RBMS1: variants seen among roughly 807,000 people sequenced by gnomAD.
The protein encoded by RBMS1 is RNA binding motif single stranded interacting protein 1.
A neutral mutation model predicts 62.3 loss-of-function variants in RBMS1; 17 were observed. The ratio of observed to expected loss-of-function variants is 0.27; its 90% confidence interval spans 0.19 to 0.41. RBMS1 has a LOEUF of 0.41. RBMS1 is among the 10% of genes least tolerant of loss of function. The pLI is 1.00. For missense variants in RBMS1, 334 were observed against 504.5 expected, an observed-to-expected ratio of 0.66 and a Z score of 3.24; for synonymous variants, 172 against 170.0, an observed-to-expected ratio of 1.01 and a Z score of -0.09.
chr2:160,329,216 T>C (rs1347159610), intron 2 of RBMS1, among the ~76,000 whole-genome samples: 2 of 152,178 alleles, frequency 1.3e-5, no homozygotes, highest in East Asian at 3.9e-4. Flanking sequence ...GAAAATGATA[T>C]CTATTTTACT....
At chr2:160,403,736 A>C (rs1418375932) in intron 1 of RBMS1, among the ~76,000 whole-genome samples, 1 of 152,204 alleles carries the variant, frequency 6.6e-6, no homozygotes, top group Non-Finnish European at 1.5e-5. Flanking sequence ...ACCCTACTGG[A>C]AACCACTAGG....
At chr2:160,365,888 G>A (rs1017790164) in intron 2 of RBMS1, among the ~76,000 whole-genome samples, 3 of 152,234 alleles carry the variant, frequency 2.0e-5, no homozygotes, top group African/African-American at 7.2e-5. Context: ...CAATAGGGCA[G>A]GGCGTGCCTG....
chr2:160,446,257 A>AC (rs1683641515), intron 1 of RBMS1, among the ~76,000 whole-genome samples: 1 of 152,200 alleles, frequency 6.6e-6, no homozygotes, highest in African/African-American at 2.4e-5. Flanking sequence ...CCTGTCTATG[A>AC]CAGTCCCTCC....
At chr2:160,326,689 T>C (rs1339896729) in intron 2 of RBMS1, among the ~76,000 whole-genome samples, 1 of 152,220 alleles carries the variant, frequency 6.6e-6, no homozygotes, top group Non-Finnish European at 1.5e-5. Flanking sequence ...ATTTTATTTA[T>C]TTTCTTGCTT....
intron 1 of RBMS1, among the ~76,000 whole-genome samples, chr2:160,489,047 G>T (rs1685718003): frequency 6.6e-6 from 1 of 152,176 alleles, no homozygotes; most frequent in Non-Finnish European, 1.5e-5. Context: ...CTAAATGACT[G>T]AATACTTTCC....
At chr2:160,405,311 A>G (rs900469492) in intron 1 of RBMS1, among the ~76,000 whole-genome samples, 2 of 149,316 alleles carry the variant, frequency 1.3e-5, no homozygotes, top group Admixed American at 6.7e-5. Flanking sequence ...CTGATTATGT[A>G]TTTCTAGACT....
chr2:160,337,695 T>TA (rs2105990744), intron 2 of RBMS1, among the ~76,000 whole-genome samples: 1 of 152,158 alleles, frequency 6.6e-6, no homozygotes, highest in East Asian at 1.9e-4. Flanking sequence ...ATTCACTGCC[T>TA]AAAAAACAAG....
chr2:160,462,741 T>C (rs529436441), intron 1 of RBMS1, among the ~76,000 whole-genome samples: 134 of 152,008 alleles, frequency 8.8e-4, no homozygotes, highest in Non-Finnish European at 1.6e-3. Context: ...CCCGAGTAGC[T>C]GGGCACCCCC....
At chr2:160,360,682 T>G (rs1421681140) in intron 2 of RBMS1, among the ~76,000 whole-genome samples, 4 of 152,180 alleles carry the variant, frequency 2.6e-5, no homozygotes, top group Admixed American at 2.6e-4. Flanking sequence ...TGGAGGATAC[T>G]ATTGCTTTCA....
At chr2:160,442,681 T>C (rs1683458228) in intron 1 of RBMS1, among the ~76,000 whole-genome samples, 1 of 152,240 alleles carries the variant, frequency 6.6e-6, no homozygotes, top group Non-Finnish European at 1.5e-5. Flanking sequence ...GAAAGTCTTA[T>C]AATTTGACTC....
Position 160,438,259 on chromosome 2 carries a change from TTC to T in RBMS1, c.75+55028_75+55029del, listed in dbSNP as rs1331399541. ...AGGCAATCTTCAGAGGCTCAATACT[TTC>T]TTTTTTTTTTTTTTTTTATTGATCA... On this transcript the variant is annotated intron_variant, in intron 1 of 13. Transcript: ENST00000348849. 3.8e-4 allele frequency among the ~76,000 whole-genome samples: 28 copies of T among 73,254 alleles called. No individual in the cohort carries two copies. In the East Asian group the frequency reaches 0.011, roughly 29 times the overall value. 48.1% of individuals were successfully genotyped at this position (73,254 alleles called of 152,430 possible).
intron 1 of RBMS1, among the ~76,000 whole-genome samples, chr2:160,410,935 T>C (rs1235204354): frequency 6.6e-6 from 1 of 152,126 alleles, no homozygotes. Context: ...GTAGAGATGA[T>C]GTTTCACCAT....
chr2:160,456,893 C>T (rs1684259697), intron 1 of RBMS1, among the ~76,000 whole-genome samples: 1 of 152,068 alleles, frequency 6.6e-6, no homozygotes, highest in Non-Finnish European at 1.5e-5. Flanking sequence ...TGTACTTGTT[C>T]TCTGTGGGCT....
intron 1 of RBMS1, among the ~76,000 whole-genome samples, chr2:160,492,154 C>G (rs1685859387): frequency 6.6e-6 from 1 of 152,142 alleles, no homozygotes; most frequent in Non-Finnish European, 1.5e-5. Flanking sequence ...AAAGAAAGTT[C>G]GGACACTGCA....
intron 1 of RBMS1, chr2:160,493,062 T>TC (rs1574128831): frequency 3.9e-6 from 2 of 506,716 alleles, no homozygotes; most frequent in South Asian, 5.4e-5. Flanking sequence ...GTCTAGTCTC[T>TC]CCCCCCGCGG....
chr2:160,365,532 A>G (rs1161544966), intron 2 of RBMS1, among the ~76,000 whole-genome samples: 2 of 152,220 alleles, frequency 1.3e-5, no homozygotes, highest in African/African-American at 4.8e-5. Context: ...GTTCAATAAA[A>G]AAATTACTGA....
chr2:160,457,169 C>T (rs1434721282), intron 1 of RBMS1, among the ~76,000 whole-genome samples: 2 of 151,510 alleles, frequency 1.3e-5, no homozygotes, highest in African/African-American at 2.4e-5. Flanking sequence ...CTTGCTCTGT[C>T]GCCCAGGCTG....
intron 1 of RBMS1, among the ~76,000 whole-genome samples, chr2:160,428,660 A>AT (rs1682757511): frequency 6.6e-6 from 1 of 152,204 alleles, no homozygotes; most frequent in Non-Finnish European, 1.5e-5. Context: ...GGAAAAGAGC[A>AT]TTTTTAAAGA....
At chr2:160,351,181 T>C (rs1017112811) in intron 2 of RBMS1, among the ~76,000 whole-genome samples, 5 of 84,332 alleles carry the variant, frequency 5.9e-5, no homozygotes, top group African/African-American at 2.3e-4. Flanking sequence ...TGTCGTGGGG[T>C]AGGGGGAGGG....
Sources: gnomAD v4.1 joint callset for allele counts (sites outside exome capture counted in the v4.1 genomes callset) on GRCh38, gnomAD v4.1.1 for gene constraint, MANE v1.5 for transcripts, NCBI Gene and HGNC (gene_info 2026-07-23, HGNC 2026-07-21) for gene names.